OSBPL10: variants seen among roughly 807,000 people sequenced by gnomAD.
OSBPL10 encodes the protein oxysterol binding protein like 10.
OSBPL10 carries 49 observed loss-of-function variants against 81.7 expected under a neutral mutation model. That is an observed-to-expected ratio of 0.60 (90% CI 0.48 to 0.76). The LOEUF (loss-of-function observed/expected upper bound fraction) is 0.76, where lower values mean the gene tolerates loss of function less well. Ranked by LOEUF, OSBPL10 falls within the 30% of genes least tolerant of loss-of-function variation. OSBPL10 has a pLI of 0.00. For missense variants in OSBPL10, 923 were observed against 987.8 expected (o/e 0.93, Z 0.88); for synonymous variants, 419 against 383.6 (o/e 1.09, Z -1.08).
At chr3:31,953,901 C>A (rs1697938838) in intron 1 of OSBPL10, among the ~76,000 whole-genome samples, 1 of 152,182 alleles carries the variant, frequency 6.6e-6, no homozygotes, top group African/African-American at 2.4e-5. Flanking sequence ...GGAACTGGGG[C>A]AAGAGGCAAC....
At chr3:31,785,113 G>A (rs1045817389) in intron 4 of OSBPL10, among the ~76,000 whole-genome samples, 6 of 151,720 alleles carry the variant, frequency 4.0e-5, no homozygotes, top group South Asian at 2.1e-4. Flanking sequence ...TTGAACTTCC[G>A]GCCTCAAGTG....
chr3:31,895,046 G>A (rs903348753), intron 1 of OSBPL10, among the ~76,000 whole-genome samples: 1 of 151,814 alleles, frequency 6.6e-6, no homozygotes, highest in Non-Finnish European at 1.5e-5. Context: ...TGATTTCTGT[G>A]GAATCCCCAA....
At position 31,788,350 on chromosome 3, in the gene OSBPL10, C is replaced by T. The variant is rs1698913064; in HGVS notation, c.730-40230G>A. On this transcript the variant is annotated intron_variant, in intron 4 of 11. Transcript: ENST00000396556. Reference sequence around the variant, plus strand: ...TATCAGTGTGGAATAAATGTCAAAACAAGTATCAAAGAAATGATAGAAGCC... The same window carrying T: ...TATCAGTGTGGAATAAATGTCAAAATAAGTATCAAAGAAATGATAGAAGCC... 2.6e-5 allele frequency among the ~76,000 whole-genome samples: 4 copies of T among 152,262 alleles called. No homozygotes were observed. The South Asian group carries it at 8.3e-4, about 32-fold the overall frequency.
At chr3:32,050,320 CGGT>C (rs749624277) in intron 1 of OSBPL10, among the ~76,000 whole-genome samples, 30 of 152,180 alleles carry the variant, frequency 2.0e-4, no homozygotes, top group Non-Finnish European at 4.1e-4. Flanking sequence ...CTTTTCACAA[CGGT>C]GGCATGAATT....
intron 4 of OSBPL10, among the ~76,000 whole-genome samples, chr3:31,797,523 A>T (rs926990499): frequency 6.6e-6 from 1 of 152,130 alleles, no homozygotes; most frequent in Non-Finnish European, 1.5e-5. Flanking sequence ...CGCCTCATGC[A>T]AACCGTTTAA....
At chr3:32,048,138 A>G (rs563791967) in intron 1 of OSBPL10, among the ~76,000 whole-genome samples, 20 of 152,094 alleles carry the variant, frequency 1.3e-4, no homozygotes, top group African/African-American at 4.6e-4. Context: ...ACAACCCCAC[A>G]TCTCTTCCTC....
intron 4 of OSBPL10, among the ~76,000 whole-genome samples, chr3:31,774,699 G>A (rs1698499140): frequency 6.6e-6 from 1 of 151,410 alleles, no homozygotes; most frequent in African/African-American, 2.4e-5. Flanking sequence ...TTTTAGTAGA[G>A]ACAGTGTTTC....
intron 3 of OSBPL10, among the ~76,000 whole-genome samples, chr3:31,868,473 C>T (rs1281074425): frequency 6.6e-6 from 1 of 152,106 alleles, no homozygotes; most frequent in Non-Finnish European, 1.5e-5. Context: ...CCAAGCGCTA[C>T]TTGAGGAAGT....
chr3:31,998,331 C>T (rs77654263), intron 2 of OSBPL10, among the ~76,000 whole-genome samples: 213 of 152,220 alleles, frequency 1.4e-3, no homozygotes, highest in African/African-American at 4.9e-3. Context: ...TCACCACTGG[C>T]GACTCACCCT....
rs112465795 is a variant in OSBPL10 at position 31,948,625 on chromosome 3, G to A, written c.281+32274C>T. ...TTATGCTGACTTTATAAAGTTTCACGTTTTACTTTCCAGATTTCATCGTGT... is the reference window on the plus strand; with the variant it reads ...TTATGCTGACTTTATAAAGTTTCACATTTTACTTTCCAGATTTCATCGTGT... On this transcript the variant is annotated intron_variant, in intron 1 of 11. Transcript: ENST00000396556. Among the ~76,000 whole-genome samples, 213 of 152,240 alleles carry A rather than the reference G, an allele frequency of 1.4e-3. No individual in the cohort carries two copies. The Middle Eastern group carries it at 0.037, about 27-fold the overall frequency.
intron 8 of OSBPL10, among the ~76,000 whole-genome samples, chr3:31,679,892 A>G (rs1700592205): frequency 6.6e-6 from 1 of 152,220 alleles, no homozygotes; most frequent in African/African-American, 2.4e-5. Flanking sequence ...CAATGTGAAC[A>G]TAAACCTCCC....
chr3:32,053,478 T>C (rs1246276156), intron 1 of OSBPL10, among the ~76,000 whole-genome samples: 1 of 152,208 alleles, frequency 6.6e-6, no homozygotes, highest in Admixed American at 6.5e-5. Context: ...AATGTGGTTT[T>C]CTTAGAGCAC....
intron 10 of OSBPL10, chr3:31,664,469 C>A (rs1264797641): frequency 6.9e-6 from 4 of 580,632 alleles, no homozygotes. Flanking sequence ...TTTCTCAGGG[C>A]CCGGAGATTC....
At chr3:31,959,487 T>G (rs544665219) in intron 1 of OSBPL10, among the ~76,000 whole-genome samples, 1 of 152,330 alleles carries the variant, frequency 6.6e-6, no homozygotes. Context: ...CCAGGATCAC[T>G]GGGTTCAAGG....
At chr3:31,967,394 C>T (rs935395721) in intron 1 of OSBPL10, among the ~76,000 whole-genome samples, 1 of 151,974 alleles carries the variant, frequency 6.6e-6, no homozygotes, top group Non-Finnish European at 1.5e-5. Context: ...GCAGGAGGAT[C>T]GCTTGAACCC....
intron 9 of OSBPL10, among the ~76,000 whole-genome samples, chr3:31,669,854 G>T (rs969922987): frequency 6.6e-6 from 1 of 152,154 alleles, no homozygotes; most frequent in Non-Finnish European, 1.5e-5. Context: ...CTTTCTCCTT[G>T]AGCCTAAAAA....
intron 4 of OSBPL10, among the ~76,000 whole-genome samples, chr3:31,766,330 TTTTTTTG>T (rs1298365285): frequency 5.7e-4 from 12 of 21,140 alleles, no homozygotes; most frequent in African/African-American, 8.8e-4. Context: ...AGTTTTTTTG[TTTTTTTG>T]TTTTTTTTTG....
chr3:31,901,146 A>G (rs1187297439), intron 1 of OSBPL10, among the ~76,000 whole-genome samples: 1 of 152,244 alleles, frequency 6.6e-6, no homozygotes, highest in Non-Finnish European at 1.5e-5. Flanking sequence ...CTGTAGTCAA[A>G]GCATAAACTT....
At position 31,990,003 on chromosome 3, in the gene OSBPL10, T is replaced by C. The variant is rs531368390; in HGVS notation, n.298+56488A>G. 167 of 1,614,152 alleles carry C rather than the reference T, an allele frequency of 1.0e-4. No individual in the cohort carries two copies. The African/African-American group carries it at 2.0e-3, about 19-fold the overall frequency. Reference sequence around the variant, plus strand: ...ACCTTGCAAGTCATCATAGACTTCATACTGGAGAGAAACCTTACAAATGTG... The same window carrying C: ...ACCTTGCAAGTCATCATAGACTTCACACTGGAGAGAAACCTTACAAATGTG... On this transcript the variant is annotated intron_variant and non_coding_transcript_variant, in intron 2 of 3. Coordinates refer to the OSBPL10 transcript ENST00000479173.
Sources: allele counts gnomAD v4.1 joint callset (sites outside exome capture counted in the v4.1 genomes callset), GRCh38; gene constraint gnomAD v4.1.1; transcripts MANE v1.5; gene names NCBI Gene and HGNC (gene_info 2026-07-23, HGNC 2026-07-21).